METTL15: variants seen among roughly 807,000 people sequenced by gnomAD.
The protein encoded by METTL15 is methyltransferase 15, mitochondrial 12S rRNA N4-cytidine.
A neutral mutation model predicts 38.3 loss-of-function variants in METTL15; 34 were observed. The observed-to-expected ratio is 0.89, with a 90% CI of 0.68 to 1.18. The LOEUF is 1.18. METTL15 is among the 50% of genes most tolerant of loss of function. The probability of loss-of-function intolerance (pLI) is 0.00; values close to 1 mark genes in which losing one functional copy is unlikely to be tolerated. For missense variants in METTL15, 438 were observed against 498.4 expected, an observed-to-expected ratio of 0.88 and a Z score of 1.15; for synonymous variants, 162 against 170.9, an observed-to-expected ratio of 0.95 and a Z score of 0.41.
At chr11:28,225,303 T>A (rs1479338544) in intron 4 of METTL15, among the ~76,000 whole-genome samples, 1 of 151,852 alleles carries the variant, frequency 6.6e-6, no homozygotes, top group Admixed American at 6.6e-5. Flanking sequence ...TCAATTCCAT[T>A]TTGCGTTCCT....
At chr11:28,146,065 C>G (rs1013086230) in intron 3 of METTL15, among the ~76,000 whole-genome samples, 1 of 151,974 alleles carries the variant, frequency 6.6e-6, no homozygotes, top group African/African-American at 2.4e-5. Flanking sequence ...TAAAAAACAG[C>G]TAGCATATTT....
chr11:28,379,576 T>G (rs1272406692), intron 5 of METTL15, among the ~76,000 whole-genome samples: 1 of 152,198 alleles, frequency 6.6e-6, no homozygotes, highest in African/African-American at 2.4e-5. Context: ...AAAAGATACT[T>G]TATATAATTA....
intron 5 of METTL15, among the ~76,000 whole-genome samples, chr11:28,396,287 A>C (rs1850568032): frequency 1.3e-5 from 2 of 152,178 alleles, no homozygotes; most frequent in East Asian, 3.9e-4. Flanking sequence ...TCAATTAGGA[A>C]AAGAGGAAGT....
chr11:28,239,752 C>T (rs754483124), intron 4 of METTL15, among the ~76,000 whole-genome samples: 4 of 152,180 alleles, frequency 2.6e-5, no homozygotes, highest in Non-Finnish European at 5.9e-5. Context: ...TCATTTCTTT[C>T]AAGTCTCTGC....
intron 5 of METTL15, among the ~76,000 whole-genome samples, chr11:28,364,828 C>G (rs185219738): frequency 6.6e-6 from 1 of 152,150 alleles, no homozygotes; most frequent in Non-Finnish European, 1.5e-5. Context: ...ATAGATGGCT[C>G]TTATTATTTT....
chr11:28,408,170 G>T (rs568363871), intron 5 of METTL15, among the ~76,000 whole-genome samples: 1 of 152,086 alleles, frequency 6.6e-6, no homozygotes, highest in Non-Finnish European at 1.5e-5. Context: ...AGGGGGTGGG[G>T]TGGGGGAAAC....
intron 3 of METTL15, among the ~76,000 whole-genome samples, chr11:28,153,632 A>G (rs1248753105): frequency 6.6e-6 from 1 of 152,132 alleles, no homozygotes; most frequent in African/African-American, 2.4e-5. Flanking sequence ...TAAGAAAATA[A>G]AGAATTAGAA....
intron 4 of METTL15, among the ~76,000 whole-genome samples, chr11:28,241,824 G>A (rs1286063308): frequency 4.6e-5 from 7 of 152,204 alleles, no homozygotes; most frequent in Admixed American, 6.5e-5. Flanking sequence ...TAAGGAGCAA[G>A]AAGAGTAGTA....
intron 3 of METTL15, among the ~76,000 whole-genome samples, chr11:28,199,519 A>G (rs1852028899): frequency 6.6e-6 from 1 of 151,862 alleles, no homozygotes; most frequent in South Asian, 2.1e-4. Flanking sequence ...AACGCTCTTA[A>G]TTTTTTCTCT....
intron 4 of METTL15, among the ~76,000 whole-genome samples, chr11:28,242,437 AT>A (rs1244127562): frequency 1.3e-5 from 2 of 152,214 alleles, no homozygotes; most frequent in Non-Finnish European, 2.9e-5. Context: ...TAAAGGGCAA[AT>A]TCTAAATAGT....
chr11:28,190,280 T>G (rs1226520108), intron 3 of METTL15, among the ~76,000 whole-genome samples: 3 of 151,166 alleles, frequency 2.0e-5, no homozygotes, highest in Non-Finnish European at 3.0e-5. Flanking sequence ...CAAAGAGAAT[T>G]TATATTTTTA....
intron 4 of METTL15, among the ~76,000 whole-genome samples, chr11:28,242,770 T>C (rs1854354131): frequency 6.6e-6 from 1 of 152,150 alleles, no homozygotes. Context: ...CCTGGTGGAA[T>C]GTTTTTCTGG....
intron 5 of METTL15, among the ~76,000 whole-genome samples, chr11:28,371,245 G>A (rs1348425845): frequency 6.6e-6 from 1 of 151,930 alleles, no homozygotes; most frequent in Admixed American, 6.6e-5. Context: ...TTCTGCTTAT[G>A]GTTATCCAGT....
chr11:28,136,512 G>T (rs1168254555), intron 3 of METTL15, among the ~76,000 whole-genome samples: 1 of 152,066 alleles, frequency 6.6e-6, no homozygotes. Context: ...TTTATTAGCA[G>T]AATGAGAACA....
At chr11:28,397,073 T>C (rs1034982723) in intron 5 of METTL15, among the ~76,000 whole-genome samples, 8 of 151,958 alleles carry the variant, frequency 5.3e-5, no homozygotes, top group African/African-American at 1.4e-4. Context: ...TTCCTTACAC[T>C]TTATACAAAA....
chr11:28,381,079 C>T (rs1850378345), intron 5 of METTL15, among the ~76,000 whole-genome samples: 1 of 152,168 alleles, frequency 6.6e-6, no homozygotes. Flanking sequence ...AAGCCTTGAA[C>T]TCCTAGGCTA....
chr11:28,246,350 T>A (rs1035499837), intron 4 of METTL15, among the ~76,000 whole-genome samples: 2 of 152,166 alleles, frequency 1.3e-5, no homozygotes, highest in African/African-American at 2.4e-5. Context: ...TAGTATGTAT[T>A]TCAAGTGACT....
At chr11:28,372,286 T>C (rs1006793072) in intron 5 of METTL15, among the ~76,000 whole-genome samples, 1 of 152,104 alleles carries the variant, frequency 6.6e-6, no homozygotes, top group Non-Finnish European at 1.5e-5. Flanking sequence ...TTAATTGATT[T>C]GCATATGTTG....
At chr11:28,311,001 T>TGTGA (rs1471292839) in intron 6 of METTL15, among the ~76,000 whole-genome samples, 4 of 137,862 alleles carry the variant, frequency 2.9e-5, no homozygotes, top group African/African-American at 1.3e-4. Context: ...TGTGTGTGTG[T>TGTGA]GTGAGAGAGA....
Sources: allele counts gnomAD v4.1 joint callset (sites outside exome capture counted in the v4.1 genomes callset), GRCh38; gene constraint gnomAD v4.1.1; transcripts MANE v1.5; gene names NCBI Gene and HGNC (gene_info 2026-07-23, HGNC 2026-07-21).